Variants in ATG16L1 observed in about 807,000 individuals in gnomAD.
ATG16L1 encodes autophagy-related protein 16-1.
A neutral mutation model predicts 88.5 loss-of-function variants in ATG16L1; 37 were observed. The observed-to-expected ratio is 0.42, with a 90% CI of 0.32 to 0.55. The LOEUF is 0.55. Ranked by LOEUF, ATG16L1 falls within the 20% of genes least tolerant of loss-of-function variation. ATG16L1 has a pLI of 0.13. For synonymous variants in ATG16L1, 301 were observed against 281.0 expected (o/e 1.07, Z -0.71); for missense variants, 554 against 752.8 (o/e 0.74, Z 3.09).
At chr2:233,253,742 A>G (rs139684798) in intron 1 of ATG16L1, among the ~76,000 whole-genome samples, 2 of 152,244 alleles carry the variant, frequency 1.3e-5, no homozygotes, top group African/African-American at 4.8e-5. Context: ...CACTGCACCC[A>G]TTGTTTTAAC....
At chr2:233,264,743 C>A in intron 4 of ATG16L1, 149 bp from the exon 5 acceptor site, 1 of 1,039,248 alleles carries the variant, frequency 9.6e-7, no homozygotes. Context: ...TGTTTCCTCT[C>A]CTAATGGATT....
At chr2:233,261,792 T>C (rs1697236187) in intron 2 of ATG16L1, among the ~76,000 whole-genome samples, 1 of 152,214 alleles carries the variant, frequency 6.6e-6, no homozygotes, top group South Asian at 2.1e-4. Flanking sequence ...TCTCTCGAAC[T>C]ATAAATCCAC....
intron 12 of ATG16L1, among the ~76,000 whole-genome samples, chr2:233,289,292 A>G (rs1421415817): frequency 1.3e-5 from 2 of 151,936 alleles, no homozygotes; most frequent in Non-Finnish European, 2.9e-5. Context: ...CCTTTGGCCA[A>G]CACTCAAAGA....
rs1203904201 is a variant in ATG16L1 at position 233,290,311 on chromosome 2, T to C, written c.1388T>C (p.Met463Thr). The C allele has an allele frequency of 6.2e-7, 1 of 1,614,102 alleles. No individual in the cohort carries two copies. Among genetic ancestry groups the C allele is most frequent in the Non-Finnish European group, 8.5e-7 (1 of 1,180,052 alleles). Residue 463 changes from methionine to threonine, a missense_variant, in exon 14 of 18, where the codon ATG becomes ACG. Physicochemically the swap from Met to Thr is moderately conservative, Grantham distance 81. Coordinates refer to ENST00000392017, the MANE Select transcript of ATG16L1 (RefSeq NM_030803.7). ...ATTGTCTGCACAGAGCAATGTGTAA[T>C]GAGTGGACATTTTGACAAGAAAATT... ...NDIVCTEQCV[M>T]SGHFDKKIRF...
chr2:233,269,483 G>A (rs576660916), intron 5 of ATG16L1, among the ~76,000 whole-genome samples: 8 of 152,112 alleles, frequency 5.3e-5, no homozygotes, highest in Non-Finnish European at 1.2e-4. Flanking sequence ...TCAGATTTCC[G>A]ATTTACCATT....
At position 233,273,704 on chromosome 2, in the gene ATG16L1, C is replaced by T; in HGVS notation, c.795-17C>T. ...AAATGTTTCTAAGGTTTAAACCTAT[C>T]CTCCCCTCCTCTTTAGTAAGCGACT... On this transcript the variant is annotated splice_polypyrimidine_tract_variant and intron_variant, in intron 7 of 17. Transcript: ENST00000392017. 6.2e-7 allele frequency: 1 copy of T among 1,613,516 alleles called. No homozygotes were observed. The highest frequency in any genetic ancestry group is 2.2e-5 in the East Asian group (1 of 44,880).
Position 233,272,981 on chromosome 2 carries a change from G to A in ATG16L1, c.723G>A (p.Glu241=). ...PLPVEQDDDI[E]VIVDETSDHT... The stretch of plus-strand genomic sequence containing the variant: ...TTCTTTCCAGGGATGATGACATTGA[G>A]GTCATTGTGGATGAAACTTCTGATC... The change falls in exon 7 of 18, where the codon GAG becomes GAA. Residue 241 remains glutamate, a synonymous_variant. Coordinates refer to ENST00000392017, the MANE Select transcript of ATG16L1 (RefSeq NM_030803.7). 2 of 1,613,978 alleles carry A rather than the reference G, an allele frequency of 1.2e-6. No homozygotes were observed. The highest frequency in any genetic ancestry group is 8.5e-7 in the Non-Finnish European group (1 of 1,179,852).
chr2:233,289,727 T>C, intron 12 of ATG16L1, 127 bp from the exon 13 acceptor site: 2 of 1,259,298 alleles, frequency 1.6e-6, no homozygotes, highest in South Asian at 2.6e-5. Flanking sequence ...TCGCTTTGAG[T>C]GTTCCTGGCC....
intron 1 of ATG16L1, among the ~76,000 whole-genome samples, chr2:233,253,348 T>TG (rs1696541340): frequency 1.5e-5 from 2 of 135,232 alleles, no homozygotes. Flanking sequence ...TTGTTTTTTT[T>TG]TTTTTTTTTT....
intron 1 of ATG16L1, 117 bp downstream of exon 1, chr2:233,252,059 C>A (rs1397226993): frequency 1.3e-6 from 1 of 781,788 alleles, no homozygotes; most frequent in Non-Finnish European, 1.9e-6. Flanking sequence ...TGGCGGCCGC[C>A]CCGGGTAACC....
In ATG16L1 at chr2:233,281,126, C is replaced by T. The variant is rs1359314594; in HGVS notation, c.1082C>T (p.Ser361Phe). The change falls in exon 11 of 18, where the codon TCC (serine) becomes TTC (phenylalanine). Residue 361 changes from serine (S) to phenylalanine (F), a missense_variant. Transcript: ENST00000392017. ...VFGEKCEFKGSLSGSNAGITS... is the reference protein window; with the variant it reads ...VFGEKCEFKGFLSGSNAGITS... Reference sequence around the variant, plus strand: ...ACAGAAAAATGTGAGTTCAAGGGTTCCCTATCTGGCAGTAATGCAGGAATT... The same window carrying T: ...ACAGAAAAATGTGAGTTCAAGGGTTTCCTATCTGGCAGTAATGCAGGAATT... 1 of 1,603,262 alleles carries T rather than the reference C, an allele frequency of 6.2e-7. No homozygotes were observed. The highest frequency in any genetic ancestry group is 1.8e-5 in the Admixed American group (1 of 57,064).
chr2:233,262,314 T>G (rs914633095), intron 2 of ATG16L1, among the ~76,000 whole-genome samples: 1 of 152,254 alleles, frequency 6.6e-6, no homozygotes, highest in Non-Finnish European at 1.5e-5. Context: ...CTGGTCTTCC[T>G]GTTTCGGCCC....
chr2:233,285,437 T>C lies in ATG16L1; in HGVS notation c.1203+2684T>C, dbSNP rs987096117. Among the ~76,000 whole-genome samples, 37 of 152,304 alleles carry C rather than the reference T, an allele frequency of 2.4e-4. 1 individual carries two copies. The highest frequency in any genetic ancestry group is 5.4e-4 in the Non-Finnish European group (37 of 68,026). On this transcript the variant is annotated intron_variant, in intron 12 of 17. Transcript: ENST00000392017. ...GAGCTAGACTGACAGATGAAGGTCATAACATTGAGCTGGCACACAGGTCTC... is the reference window on the plus strand; with the variant it reads ...GAGCTAGACTGACAGATGAAGGTCACAACATTGAGCTGGCACACAGGTCTC...
At chr2:233,265,174 C>T in intron 5 of ATG16L1, 31 bp downstream of exon 5, 1 of 1,611,576 alleles carries the variant, frequency 6.2e-7, no homozygotes, top group Non-Finnish European at 8.5e-7. Flanking sequence ...TAGTGGTTTC[C>T]ATCCTTAGTA....
rs543778947 is a variant in ATG16L1, at chr2:233,277,663, A to C, written c.1050A>C (p.Glu350Asp). The change falls in exon 10 of 18, where the codon GAA becomes GAC. Residue 350 changes from glutamate (E) to aspartate (D), a missense_variant. Coordinates refer to ENST00000392017, the MANE Select transcript of ATG16L1 (RefSeq NM_030803.7). ...TGGACCGCAGGGTTAAGCTTTGGGA[A>C]GTATTTGGAGGTGAGAGCCTGCTGC... ...GGMDRRVKLW[E>D]VFGEKCEFKG... 1 of 1,613,828 alleles carries C rather than the reference A, an allele frequency of 6.2e-7. No homozygotes were observed. Among genetic ancestry groups the C allele is most frequent in the South Asian group, 1.1e-5 (1 of 91,054 alleles).
At chr2:233,252,686 C>A (rs894788070) in intron 1 of ATG16L1, among the ~76,000 whole-genome samples, 1 of 152,134 alleles carries the variant, frequency 6.6e-6, no homozygotes, top group African/African-American at 2.4e-5. Flanking sequence ...CCGAGCCCGG[C>A]CCCACCTTGG....
At chr2:233,273,862 C>T (rs1698154526) in intron 8 of ATG16L1, 85 bp downstream of exon 8, 2 of 1,525,076 alleles carry the variant, frequency 1.3e-6, no homozygotes, top group Non-Finnish European at 1.8e-6. Flanking sequence ...TTTAAATGTA[C>T]ACCAGGTGTC....
intron 2 of ATG16L1, among the ~76,000 whole-genome samples, chr2:233,259,081 G>C (rs1697015579): frequency 6.6e-6 from 1 of 152,100 alleles, no homozygotes; most frequent in Non-Finnish European, 1.5e-5. Flanking sequence ...GAGATGATGG[G>C]TTTTGTGAGA....
Position 233,289,940 on chromosome 2 carries a change from G to A in ATG16L1, c.1290G>A (p.Arg430=), listed in dbSNP as rs752655408. The change falls in exon 13 of 18, where the codon CGG becomes CGA. Residue 430 remains arginine (R), a synonymous_variant. Coordinates refer to ENST00000392017, the MANE Select transcript of ATG16L1 (RefSeq NM_030803.7). ...GGATTGTCTCAGGAAGTCACGACCG[G>A]ACTCTCAAACTCTGGGATCTACGCA... ...NARIVSGSHD[R]TLKLWDLRSK... 17 of 1,614,040 alleles carry A rather than the reference G, an allele frequency of 1.1e-5. 1 individual carries two copies. In the South Asian group the frequency reaches 1.9e-4, roughly 18 times the overall value.
Sources: allele counts gnomAD v4.1 joint callset (sites outside exome capture counted in the v4.1 genomes callset), GRCh38; gene constraint gnomAD v4.1.1; transcripts MANE v1.5; gene names NCBI Gene and HGNC (gene_info 2026-07-23, HGNC 2026-07-21).